Variants in PRKD3 observed in about 807,000 individuals in gnomAD.
PRKD3 encodes the protein protein kinase D3.
PRKD3 carries 47 observed loss-of-function variants against 99.2 expected under a neutral mutation model. The ratio of observed to expected loss-of-function variants is 0.47; its 90% confidence interval spans 0.38 to 0.60. The LOEUF is 0.60. Among genes scored for constraint, PRKD3 ranks in the 20% least tolerant of loss-of-function variants. The pLI, the probability that PRKD3 is intolerant of heterozygous loss-of-function variation, is 0.00. For synonymous variants in PRKD3, 392 were observed against 355.4 expected, an observed-to-expected ratio of 1.10 and a Z score of -1.16; for missense variants, 1,019 against 1,088.4, an observed-to-expected ratio of 0.94 and a Z score of 0.90.
chr2:37,285,746 A>G (rs1439136478), intron 6 of PRKD3, among the ~76,000 whole-genome samples: 2 of 152,186 alleles, frequency 1.3e-5, no homozygotes, highest in Non-Finnish European at 2.9e-5. Flanking sequence ...TCCACATTCT[A>G]GTTTTTCTGT....
At chr2:37,269,544 C>G in intron 13 of PRKD3, 71 bp downstream of exon 13, 1 of 1,345,298 alleles carries the variant, frequency 7.4e-7, no homozygotes, top group Non-Finnish European at 1.1e-6. Flanking sequence ...GACAAAACAG[C>G]TGGCAGATGT....
intron 11 of PRKD3, 58 bp downstream of exon 11, chr2:37,274,363 C>T (rs892497190): frequency 6.3e-7 from 1 of 1,580,722 alleles, no homozygotes; most frequent in African/African-American, 1.4e-5. Context: ...ACAACCATAC[C>T]CACAAAATGC....
chr2:37,296,668 C>T (rs926453997), intron 2 of PRKD3, among the ~76,000 whole-genome samples: 5 of 151,824 alleles, frequency 3.3e-5, no homozygotes, highest in African/African-American at 1.2e-4. Flanking sequence ...GAGGCCGCGG[C>T]GGGAAGATCA....
At chr2:37,310,234 G>A (rs910703385) in intron 2 of PRKD3, among the ~76,000 whole-genome samples, 3 of 152,202 alleles carry the variant, frequency 2.0e-5, no homozygotes, top group Non-Finnish European at 1.5e-5. Flanking sequence ...ACCTCGAAGT[G>A]TAATAGCTCA....
At chr2:37,259,801 G>T in intron 15 of PRKD3, 120 bp from the exon 16 acceptor site, 1 of 669,282 alleles carries the variant, frequency 1.5e-6, no homozygotes. Context: ...AGCTAAAAGT[G>T]TGTTATTCTG....
At chr2:37,306,036 A>G (rs1276878992) in intron 2 of PRKD3, among the ~76,000 whole-genome samples, 1 of 151,624 alleles carries the variant, frequency 6.6e-6, no homozygotes, top group Non-Finnish European at 1.5e-5. Flanking sequence ...CTGCTATGGC[A>G]TAATATACTC....
intron 11 of PRKD3, among the ~76,000 whole-genome samples, chr2:37,272,837 G>A (rs930537230): frequency 6.6e-6 from 1 of 152,084 alleles, no homozygotes; most frequent in African/African-American, 2.4e-5. Context: ...TTTAAAATTA[G>A]CCAGGCATAG....
chr2:37,289,095 T>C (rs529530636), intron 5 of PRKD3, among the ~76,000 whole-genome samples: 1 of 136,252 alleles, frequency 7.3e-6, no homozygotes, highest in East Asian at 2.3e-4. Flanking sequence ...AAAAAAAAGA[T>C]TTAAGTATGG....
chr2:37,319,909 G>A (rs548736450), intron 1 of PRKD3, among the ~76,000 whole-genome samples: 30 of 152,284 alleles, frequency 2.0e-4, no homozygotes, highest in Admixed American at 2.6e-4. Context: ...GAGGGTAGAC[G>A]AAAAATGAAG....
At chr2:37,304,196 T>TAAAAAAA (rs70949750) in intron 2 of PRKD3, among the ~76,000 whole-genome samples, 1 of 93,972 alleles carries the variant, frequency 1.1e-5, no homozygotes, top group African/African-American at 4.1e-5. Context: ...AGGTACTTAC[T>TAAAAAAA]AAAAAAAAAA....
Position 37,256,654 on chromosome 2 carries a change from TTTTTTACC to T in PRKD3, c.2413_2413+7del. 1.2e-5 allele frequency: 16 copies of T among 1,377,212 alleles called. No homozygotes were observed. Among genetic ancestry groups the T allele is most frequent in the South Asian group, 6.7e-5 (4 of 59,926 alleles). 85.3% of individuals were successfully genotyped at this position (1,377,212 alleles called of 1,614,324 possible). On this transcript the variant is annotated splice_donor_variant and splice_donor_5th_base_variant and coding_sequence_variant and intron_variant, in exon 17 of 19. Transcript: ENST00000234179. LOFTEE classifies it high-confidence loss of function. ...TTTTTTTTTTTTTTTTTTTTTTTTT[TTTTTTACC>T]TTCACCAGAAATTTCTCTCCATGGA... is the stretch of plus-strand genomic sequence containing the variant.
At chr2:37,253,886 A>G (rs908984637) in intron 18 of PRKD3, among the ~76,000 whole-genome samples, 2 of 152,240 alleles carry the variant, frequency 1.3e-5, no homozygotes, top group Admixed American at 6.5e-5. Flanking sequence ...AATCTCTTCA[A>G]TGCAAAAATA....
chr2:37,268,360 A>T (rs1668984428), intron 13 of PRKD3: 1 of 470,810 alleles, frequency 2.1e-6, no homozygotes, highest in African/African-American at 2.0e-5. Context: ...AACTACTCTT[A>T]AAACTGACAA....
chr2:37,309,577 T>C (rs1285231816), intron 2 of PRKD3, among the ~76,000 whole-genome samples: 2 of 152,128 alleles, frequency 1.3e-5, no homozygotes, highest in Admixed American at 1.3e-4. Flanking sequence ...CCAAGCACGG[T>C]GGCCAATCAC....
At chr2:37,261,578 C>G (rs527658232) in intron 14 of PRKD3, among the ~76,000 whole-genome samples, 3 of 151,958 alleles carry the variant, frequency 2.0e-5, no homozygotes, top group African/African-American at 7.3e-5. Flanking sequence ...ATCGGGAGTT[C>G]GAGACCAGCC....
intron 1 of PRKD3, among the ~76,000 whole-genome samples, chr2:37,323,325 C>A (rs982186150): frequency 6.6e-6 from 1 of 151,328 alleles, no homozygotes; most frequent in African/African-American, 2.4e-5. Flanking sequence ...ATGTGAAATG[C>A]TATATACTAA....
At chr2:37,258,478 G>T (rs181354196) in intron 16 of PRKD3, among the ~76,000 whole-genome samples, 1 of 152,330 alleles carries the variant, frequency 6.6e-6, no homozygotes, top group African/African-American at 2.4e-5. Flanking sequence ...CATAAAAAGC[G>T]TATCAAGTAA....
chr2:37,267,811 AATGATAGTTAATTAC>A (rs1668946577), intron 13 of PRKD3: 2 of 342,682 alleles, frequency 5.8e-6, no homozygotes, highest in Admixed American at 4.7e-5. Context: ...TTGTTAAATC[AATGATAGTTAATTAC>A]CCTGACCTAG....
intron 2 of PRKD3, among the ~76,000 whole-genome samples, 194 bp downstream of exon 2, chr2:37,316,043 T>A (rs929298704): frequency 1.3e-5 from 2 of 152,212 alleles, no homozygotes; most frequent in African/African-American, 4.8e-5. Context: ...GTATTTTAAA[T>A]CTGGGATATA....
Sources: gnomAD v4.1 joint callset for allele counts (sites outside exome capture counted in the v4.1 genomes callset) on GRCh38, gnomAD v4.1.1 for gene constraint, MANE v1.5 for transcripts, NCBI Gene and HGNC (gene_info 2026-07-23, HGNC 2026-07-21) for gene names.